ZNF208: variants seen among roughly 807,000 people sequenced by gnomAD.
ZNF208 encodes zinc finger protein 95.
A neutral mutation model predicts 12.1 loss-of-function variants in ZNF208; 10 were observed. The ratio of observed to expected loss-of-function variants is 0.83; its 90% CI spans 0.51 to 1.40. The LOEUF is 1.40. Among genes scored for constraint, ZNF208 ranks in the 40% most tolerant of loss-of-function variants. The probability of loss-of-function intolerance (pLI) is 0.00; values close to 1 mark genes in which losing one functional copy is unlikely to be tolerated. For synonymous variants in ZNF208, 497 were observed against 488.4 expected, an observed-to-expected ratio of 1.02 and a Z score of -0.23; for missense variants, 1,652 against 1,485.0, an observed-to-expected ratio of 1.11 and a Z score of -1.85.
chr19:21,952,441 A>C (rs188606076), intron 4 of ZNF208, among the ~76,000 whole-genome samples: 197 of 152,282 alleles, frequency 1.3e-3, no homozygotes, highest in Admixed American at 4.8e-3. Flanking sequence ...CCTCTGGGAC[A>C]AACCTTCCAG....
At chr19:21,957,621 G>C (rs1484162959) in intron 4 of ZNF208, among the ~76,000 whole-genome samples, 2 of 152,108 alleles carry the variant, frequency 1.3e-5, no homozygotes, top group African/African-American at 4.8e-5. Flanking sequence ...AGGTATTTAA[G>C]GGTACAAATC....
At chr19:21,993,569 T>C (rs2145573293) in intron 1 of ZNF208, among the ~76,000 whole-genome samples, 1 of 152,296 alleles carries the variant, frequency 6.6e-6, no homozygotes, top group South Asian at 2.1e-4. Flanking sequence ...TAAAATCACT[T>C]GGTAATTTTG....
rs781271669 is a variant in ZNF208 at position 21,972,299 on chromosome 19, G to C, written c.2735C>G (p.Thr912Ser). The change falls in exon 4 of 4, where the codon ACT becomes AGT. Residue 912 changes from threonine to serine, a missense_variant. This residue lies in a region of ZNF208 where 1,239 missense variants were observed against 1,086.2 expected (regional missense o/e 1.14). Coordinates refer to ENST00000397126, the MANE Select transcript of ZNF208 (RefSeq NM_007153.3). ...TTCACATTTGTAGGGTTTCTCTCCA[G>C]TATGAATTACCTCATGTTTAGTAAG... Reference protein sequence around the residue: ...SILTKHEVIHTGEKPYKCEEC... With the variant: ...SILTKHEVIHSGEKPYKCEEC... 1 of 1,613,700 alleles carries C rather than the reference G, an allele frequency of 6.2e-7. No individual in the cohort carries two copies. Among genetic ancestry groups the C allele is most frequent in the East Asian group, 2.2e-5 (1 of 44,848 alleles).
Position 21,967,891 on chromosome 19 carries a change from T to C in ZNF208, c.*3300A>G, listed in dbSNP as rs139283735. 1.7e-3 allele frequency: 259 copies of C among 152,296 alleles called. No individual in the cohort carries two copies. Among genetic ancestry groups the C allele is most frequent in the Middle Eastern group, 6.8e-3 (2 of 294 alleles). 9.4% of individuals were successfully genotyped at this position (152,296 alleles called of 1,614,324 possible). On this transcript the variant is annotated 3_prime_UTR_variant, in exon 4 of 4. Transcript: ENST00000397126. ...GAATCCATGAGCAATATTTTTCCAT[T>C]TATTTGCATTGTCTCTCGTTTCTTT...
chr19:21,987,426 T>G, intron 2 of ZNF208, 115 bp from the exon 3 acceptor site: 1 of 1,079,664 alleles, frequency 9.3e-7, no homozygotes, highest in South Asian at 2.8e-5. Context: ...TATCCCAAAA[T>G]ACTAAATTAT....
At position 21,989,493 on chromosome 19, in the gene ZNF208, T is replaced by C. The variant is rs527320177; in HGVS notation, c.4-584A>G. Among the ~76,000 whole-genome samples, 4 of 152,190 alleles carry C rather than the reference T, an allele frequency of 2.6e-5. No homozygotes were observed. The East Asian group carries it at 7.7e-4, about 29-fold the overall frequency. On this transcript the variant is annotated intron_variant, in intron 1 of 3. Transcript: ENST00000397126. ...AATCCAGTCTGTCATTGTTGGTCAT[T>C]TGGGTTGGTTCCAAGTCTTTGCTAT...
At chr19:22,008,423 A>T (rs1052072516) in intron 1 of ZNF208, among the ~76,000 whole-genome samples, 1 of 151,994 alleles carries the variant, frequency 6.6e-6, no homozygotes, top group Non-Finnish European at 1.5e-5. Context: ...TACTTGAGAG[A>T]TTCTCCCACC....
At position 21,942,776 on chromosome 19, in the gene ZNF208, G is replaced by A. The variant is rs373907150; in HGVS notation, c.306-9539C>T. On this transcript the variant is annotated intron_variant, in intron 4 of 4. Transcript: ENST00000599916. ...CAATTCTCCTGCCTCAACCCCCTGAGTAGCTGGTATTACAGGTACACACCA... is the reference window on the plus strand; with the variant it reads ...CAATTCTCCTGCCTCAACCCCCTGAATAGCTGGTATTACAGGTACACACCA... Among the ~76,000 whole-genome samples the A allele has an allele frequency of 1.7e-4, 26 of 152,170 alleles. No individual in the cohort carries two copies. The East Asian group carries it at 4.1e-3, about 24-fold the overall frequency.
intron 1 of ZNF208, among the ~76,000 whole-genome samples, chr19:21,997,171 A>G (rs1970852350): frequency 6.6e-6 from 1 of 152,228 alleles, no homozygotes; most frequent in Non-Finnish European, 1.5e-5. Context: ...GACATGCATT[A>G]TAGTCAATTT....
chr19:21,946,268 A>T (rs1969814295), intron 4 of ZNF208, among the ~76,000 whole-genome samples: 1 of 152,154 alleles, frequency 6.6e-6, no homozygotes, highest in Non-Finnish European at 1.5e-5. Context: ...TCAGCTTCTA[A>T]TAGGTTCTGG....
chr19:22,009,968 G>C (rs1443389758), intron 1 of ZNF208, among the ~76,000 whole-genome samples: 1 of 152,062 alleles, frequency 6.6e-6, no homozygotes, highest in Non-Finnish European at 1.5e-5. Flanking sequence ...GGCGGATCAC[G>C]AGGTCAGGAG....
rs553189430 is a variant in ZNF208 at position 21,974,840 on chromosome 19, C to T, written c.227-33G>A. 26 of 1,492,530 alleles carry T rather than the reference C, an allele frequency of 1.7e-5. No individual in the cohort carries two copies. The East Asian group carries it at 5.6e-4, about 32-fold the overall frequency. 92.5% of individuals were successfully genotyped at this position (1,492,530 alleles called of 1,614,324 possible). A position where few individuals can be genotyped will look rare whatever the true frequency, so the allele number is the denominator to read the frequency against. Reference sequence around the variant, plus strand: ...GAAATAAAAATCACAAATTAGCCTACTTATTAGACTCAGATAAATACAGTT... The same window carrying T: ...GAAATAAAAATCACAAATTAGCCTATTTATTAGACTCAGATAAATACAGTT... On this transcript the variant is annotated intron_variant, in intron 3 of 3. Transcript: ENST00000397126.
intron 1 of ZNF208, among the ~76,000 whole-genome samples, chr19:21,989,244 C>G (rs545861890): frequency 4.9e-3 from 544 of 111,804 alleles, no homozygotes; most frequent in African/African-American, 0.017. Context: ...CCCCACCCCC[C>G]ACCCCACAAC....
rs878912256 is a variant in ZNF208 at position 21,973,472 on chromosome 19, C to G, written c.1562G>C (p.Gly521Ala). 6.2e-7 allele frequency: 1 copy of G among 1,612,594 alleles called. No homozygotes were observed. The highest frequency in any genetic ancestry group is 1.3e-5 in the African/African-American group (1 of 74,714). The change falls in exon 4 of 4, where the codon GGA becomes GCA. Residue 521 changes from glycine (G) to alanine (A), a missense_variant. By Grantham distance (60) the Gly-to-Ala change is moderately conservative. Transcript: ENST00000397126. ...NLMEHKRIHT[G>A]EKPYKCEECG... is the part of the protein sequence containing the mutation. ...TTCTTCACATTTGTAGGGTTTCTCT[C>G]CAGTATGAATTCTCTTATGTTCCAT...
At chr19:22,002,181 A>G (rs907984168) in intron 1 of ZNF208, among the ~76,000 whole-genome samples, 2 of 152,186 alleles carry the variant, frequency 1.3e-5, no homozygotes, top group Non-Finnish European at 2.9e-5. Flanking sequence ...CAAACTAGGC[A>G]TTGAAGATGC....
chr19:21,960,847 C>T (rs1970054665), intron 4 of ZNF208, among the ~76,000 whole-genome samples: 1 of 152,146 alleles, frequency 6.6e-6, no homozygotes, highest in Admixed American at 6.5e-5. Flanking sequence ...AGACAGAAAG[C>T]CAAGCGTTTG....
In ZNF208 at chr19:21,967,203, A is replaced by T. The variant is rs1040578185; in HGVS notation, c.*3988T>A. The T allele has an allele frequency of 6.6e-6, 1 of 151,952 alleles. No individual in the cohort carries two copies. The highest frequency in any genetic ancestry group is 2.4e-5 in the African/African-American group (1 of 41,376). 9.4% of individuals were successfully genotyped at this position (151,952 alleles called of 1,614,324 possible). A position where few individuals can be genotyped will look rare whatever the true frequency, so the allele number is the denominator to read the frequency against. On this transcript the variant is annotated 3_prime_UTR_variant, in exon 4 of 4. Coordinates refer to ENST00000397126, the MANE Select transcript of ZNF208 (RefSeq NM_007153.3). ...TTGGAGACTCACAGATCAAGTCTTT[A>T]ATCTATATTGAGTTGTTTTTTTTTT... is the stretch of plus-strand genomic sequence containing the variant.
intron 3 of ZNF208, among the ~76,000 whole-genome samples, chr19:21,983,444 C>A (rs141590519): frequency 0.018 from 2,760 of 152,152 alleles, 71 homozygotes; most frequent in African/African-American, 0.062. Flanking sequence ...GACAATGTGG[C>A]GATTCCTCAA....
At chr19:21,962,836 C>T (rs1970097750), downstream of ZNF208, among the ~76,000 whole-genome samples, 1 of 151,938 alleles carries the variant, frequency 6.6e-6, no homozygotes, top group Non-Finnish European at 1.5e-5. Flanking sequence ...CAATTGAGTT[C>T]AGATAAGATT....
Sources: allele counts gnomAD v4.1 joint callset (sites outside exome capture counted in the v4.1 genomes callset), GRCh38; gene constraint gnomAD v4.1.1; regional missense constraint gnomAD v4.1.1; transcripts MANE v1.5; gene names NCBI Gene and HGNC (gene_info 2026-07-23, HGNC 2026-07-21).